CCSER1: variants seen among roughly 807,000 people sequenced by gnomAD.
CCSER1 encodes serine-rich coiled-coil domain-containing protein 1.
CCSER1 carries 41 observed loss-of-function variants against 82.0 expected under a neutral mutation model. The ratio of observed to expected loss-of-function variants is 0.50; its 90% CI spans 0.39 to 0.65. CCSER1 has a LOEUF of 0.65. Ranked by LOEUF, CCSER1 falls within the 30% of genes least tolerant of loss-of-function variation. The pLI is 0.00. For missense variants in CCSER1, 1,119 were observed against 1,064.2 expected, an observed-to-expected ratio of 1.05 and a Z score of -0.72; for synonymous variants, 414 against 383.9, an observed-to-expected ratio of 1.08 and a Z score of -0.92.
intron 1 of CCSER1, among the ~76,000 whole-genome samples, chr4:90,246,900 C>T (rs908920777): frequency 1.5e-4 from 23 of 151,932 alleles, no homozygotes; most frequent in African/African-American, 4.4e-4. Flanking sequence ...AGAACTTTCA[C>T]CTTTTCACTT....
intron 7 of CCSER1, among the ~76,000 whole-genome samples, chr4:90,802,525 TTTAG>T (rs1383358249): frequency 1.3e-5 from 2 of 151,578 alleles, no homozygotes; most frequent in African/African-American, 2.4e-5. Flanking sequence ...ACAATGAATT[TTTAG>T]TTAATGTTTA....
At position 91,240,241 on chromosome 4, in the gene CCSER1, A is replaced by C. The variant is rs962292085; in HGVS notation, c.2217+154247A>C. 3.9e-4 allele frequency among the ~76,000 whole-genome samples: 24 copies of C among 61,524 alleles called. 7 individuals are homozygous for C. Among genetic ancestry groups the C allele is most frequent in the Non-Finnish European group, 5.9e-4 (21 of 35,492 alleles). The allele number at this position is 61,524 out of a possible 152,430, so 40.4% of individuals were successfully genotyped here. A position where few individuals can be genotyped will look rare whatever the true frequency, so the allele number is the denominator to read the frequency against. ...CATACGCCAGCCACCACGCCCGGCT[A>C]ATTTTTCTGTATTTTTAATAGAGAC... is the stretch of plus-strand genomic sequence containing the variant. On this transcript the variant is annotated intron_variant, in intron 10 of 10. Coordinates refer to ENST00000509176, the MANE Select transcript of CCSER1 (RefSeq NM_001145065.2).
intron 8 of CCSER1, among the ~76,000 whole-genome samples, chr4:90,822,975 TAA>T (rs1759961593): frequency 6.7e-6 from 1 of 149,632 alleles, no homozygotes; most frequent in African/African-American, 2.5e-5. Flanking sequence ...TAGTGAAATT[TAA>T]GTTACCTCTG....
intron 10 of CCSER1, among the ~76,000 whole-genome samples, chr4:91,215,056 C>G (rs1560521016): frequency 6.6e-6 from 1 of 151,914 alleles, no homozygotes; most frequent in African/African-American, 2.4e-5. Flanking sequence ...TTATCAACAA[C>G]CCATTTATAT....
chr4:90,322,889 C>G (rs769302254), intron 3 of CCSER1, among the ~76,000 whole-genome samples: 33 of 152,134 alleles, frequency 2.2e-4, no homozygotes, highest in Non-Finnish European at 4.0e-4. Flanking sequence ...CAGTGCAGTA[C>G]TGGGTCTTAC....
intron 5 of CCSER1, among the ~76,000 whole-genome samples, chr4:90,616,628 T>G (rs1721256085): frequency 6.7e-6 from 1 of 148,280 alleles, no homozygotes; most frequent in African/African-American, 2.5e-5. Flanking sequence ...GAGGTTGCAG[T>G]GAGCCAAGAA....
chr4:90,794,371 T>G (rs1246348181), intron 7 of CCSER1, among the ~76,000 whole-genome samples: 4 of 152,218 alleles, frequency 2.6e-5, no homozygotes. Flanking sequence ...AGCTTCAATC[T>G]TCTGCATATA....
intron 10 of CCSER1, among the ~76,000 whole-genome samples, chr4:91,398,144 T>C (rs1338079151): frequency 1.3e-5 from 2 of 152,010 alleles, no homozygotes; most frequent in African/African-American, 4.8e-5. Context: ...CAGATGTATG[T>C]CTATAAGTGC....
At position 91,389,801 on chromosome 4, in the gene CCSER1, A is replaced by G. The variant is rs145921261; in HGVS notation, c.2218-208771A>G. Among the ~76,000 whole-genome samples the G allele has an allele frequency of 8.2e-4, 124 of 152,076 alleles. 2 individuals carry two copies. The East Asian group carries it at 0.018, about 22-fold the overall frequency. ...ATGTAAATCTTGTTAGACATATTGT[A>G]TTAGATTTTTACTTAAGTATTTTAT... On this transcript the variant is annotated intron_variant, in intron 10 of 10. Coordinates refer to ENST00000509176, the MANE Select transcript of CCSER1 (RefSeq NM_001145065.2).
At chr4:90,199,779 T>G (rs1372064110) in intron 1 of CCSER1, among the ~76,000 whole-genome samples, 1 of 152,148 alleles carries the variant, frequency 6.6e-6, no homozygotes, top group Non-Finnish European at 1.5e-5. Context: ...CACTCATGTA[T>G]GGTAATTTTA....
At chr4:91,370,035 A>G (rs1749921650) in intron 10 of CCSER1, among the ~76,000 whole-genome samples, 1 of 151,890 alleles carries the variant, frequency 6.6e-6, no homozygotes, top group South Asian at 2.1e-4. Flanking sequence ...ACTATATGAT[A>G]CTTATTGTGG....
intron 1 of CCSER1, among the ~76,000 whole-genome samples, chr4:90,159,647 A>G (rs2153364899): frequency 6.6e-6 from 1 of 152,340 alleles, no homozygotes; most frequent in South Asian, 2.1e-4. Context: ...TCTTGCAGGT[A>G]AATGATTTAA....
At chr4:90,175,553 A>C (rs1732504507) in intron 1 of CCSER1, among the ~76,000 whole-genome samples, 1 of 152,022 alleles carries the variant, frequency 6.6e-6, no homozygotes, top group African/African-American at 2.4e-5. Flanking sequence ...TCTGACACAC[A>C]ATAAAAGTTT....
chr4:91,253,831 C>T (rs1740459174), intron 10 of CCSER1, among the ~76,000 whole-genome samples: 1 of 152,096 alleles, frequency 6.6e-6, no homozygotes, highest in South Asian at 2.1e-4. Context: ...AGACGTCACA[C>T]ATGGTGCAAG....
At chr4:90,134,484 C>T (rs903840692) in intron 1 of CCSER1, among the ~76,000 whole-genome samples, 3 of 152,208 alleles carry the variant, frequency 2.0e-5, no homozygotes, top group Non-Finnish European at 2.9e-5. Flanking sequence ...TTCAACCACA[C>T]TTCTCTTACT....
chr4:90,251,891 CT>C (rs1415874863), intron 1 of CCSER1, among the ~76,000 whole-genome samples: 2 of 151,490 alleles, frequency 1.3e-5, no homozygotes, highest in Non-Finnish European at 3.0e-5. Context: ...CTTGCTTGTT[CT>C]TTTTAAAGGT....
intron 9 of CCSER1, among the ~76,000 whole-genome samples, chr4:91,085,465 A>G (rs1485005395): frequency 9.9e-5 from 15 of 152,136 alleles, no homozygotes; most frequent in Admixed American, 9.8e-4. Flanking sequence ...AGGTATGCTA[A>G]TAGAAGACAG....
chr4:90,307,168 G>A (rs908039695), intron 1 of CCSER1, among the ~76,000 whole-genome samples: 3 of 152,034 alleles, frequency 2.0e-5, no homozygotes, highest in African/African-American at 7.2e-5. Flanking sequence ...TAATCTGTGG[G>A]AAAGTACCTG....
rs574075926 is a variant in CCSER1 at position 90,457,368 on chromosome 4, T to A, written c.1604-10866T>A. ...TCCTCTTCTCGTGCTCACAACATGC[T>A]GACTAGGGGGGCATGTTTCAGCCCT... On this transcript the variant is annotated intron_variant, in intron 4 of 10. Coordinates refer to ENST00000509176, the MANE Select transcript of CCSER1 (RefSeq NM_001145065.2). 5.3e-5 allele frequency among the ~76,000 whole-genome samples: 8 copies of A among 152,268 alleles called. No homozygotes were observed. The South Asian group carries it at 1.7e-3, about 32-fold the overall frequency.
Sources: gnomAD v4.1 joint callset for allele counts (sites outside exome capture counted in the v4.1 genomes callset) on GRCh38, gnomAD v4.1.1 for gene constraint, MANE v1.5 for transcripts, NCBI Gene and HGNC (gene_info 2026-07-23, HGNC 2026-07-21) for gene names.